Variants in GRXCR1 observed in about 807,000 individuals in gnomAD.
GRXCR1 encodes the protein glutaredoxin domain-containing cysteine-rich protein 1.
Under a neutral mutation model 27.3 loss-of-function variants are expected in GRXCR1, and 27 were observed. The observed-to-expected ratio is 0.99, with a 90% confidence interval of 0.73 to 1.37. The LOEUF (loss-of-function observed/expected upper bound fraction) is 1.37, where lower values mean the gene tolerates loss of function less well. GRXCR1 is among the 40% of genes most tolerant of loss of function. The probability of loss-of-function intolerance (pLI) is 0.00; values close to 1 mark genes in which losing one functional copy is unlikely to be tolerated. For synonymous variants in GRXCR1, 122 were observed against 131.1 expected, an observed-to-expected ratio of 0.93 and a Z score of 0.47; for missense variants, 379 against 354.4, an observed-to-expected ratio of 1.07 and a Z score of -0.56.
At chr4:42,961,303 A>G (rs1748126073) in intron 1 of GRXCR1, among the ~76,000 whole-genome samples, 1 of 151,888 alleles carries the variant, frequency 6.6e-6, no homozygotes, top group South Asian at 2.1e-4. Flanking sequence ...TAGTGCTGCT[A>G]TGCTCTCTTT....
chr4:42,933,866 GACA>G (rs1747390844), intron 1 of GRXCR1, among the ~76,000 whole-genome samples: 4 of 151,780 alleles, frequency 2.6e-5, no homozygotes, highest in African/African-American at 9.7e-5. Context: ...AACACAGTAA[GACA>G]CTCACCCCCA....
intron 1 of GRXCR1, among the ~76,000 whole-genome samples, chr4:42,918,819 C>T (rs1028188229): frequency 2.6e-5 from 4 of 152,000 alleles, no homozygotes; most frequent in Admixed American, 2.0e-4. Flanking sequence ...TCACTCTATC[C>T]TGTAGATAGA....
intron 2 of GRXCR1, among the ~76,000 whole-genome samples, chr4:43,010,475 T>C (rs1279852699): frequency 6.6e-6 from 1 of 151,798 alleles, no homozygotes; most frequent in Non-Finnish European, 1.5e-5. Context: ...TTGCAAGGGC[T>C]TTATCACATG....
chr4:42,965,386 T>C (rs929149381), intron 2 of GRXCR1, among the ~76,000 whole-genome samples: 2 of 152,006 alleles, frequency 1.3e-5, no homozygotes, highest in African/African-American at 4.8e-5. Flanking sequence ...AATCTTTAAT[T>C]CAAAATGGCA....
At chr4:43,024,857 C>A (rs1489743293) in intron 3 of GRXCR1, among the ~76,000 whole-genome samples, 1 of 152,086 alleles carries the variant, frequency 6.6e-6, no homozygotes, top group Admixed American at 6.6e-5. Flanking sequence ...CAAGCGTGTA[C>A]TCTGACAATT....
chr4:42,986,410 C>G (rs190438890), intron 2 of GRXCR1, among the ~76,000 whole-genome samples: 1 of 152,138 alleles, frequency 6.6e-6, no homozygotes, highest in African/African-American at 2.4e-5. Context: ...CAATTCTCAT[C>G]CATTTCCTTT....
chr4:43,004,425 T>C (rs1053416197), intron 2 of GRXCR1, among the ~76,000 whole-genome samples: 7 of 152,112 alleles, frequency 4.6e-5, no homozygotes, highest in Non-Finnish European at 1.0e-4. Context: ...AGTGGAACTG[T>C]GAGTAGAAGG....
At chr4:43,000,766 A>G (rs1577939182) in intron 2 of GRXCR1, among the ~76,000 whole-genome samples, 1 of 152,214 alleles carries the variant, frequency 6.6e-6, no homozygotes, top group Non-Finnish European at 1.5e-5. Context: ...TGTATCCTCC[A>G]GAGAAGGGAG....
At chr4:42,992,631 AG>A (rs1712013384) in intron 2 of GRXCR1, among the ~76,000 whole-genome samples, 1 of 152,108 alleles carries the variant, frequency 6.6e-6, no homozygotes, top group African/African-American at 2.4e-5. Context: ...CTATTGCCTC[AG>A]GAGCCTCAAA....
intron 2 of GRXCR1, among the ~76,000 whole-genome samples, chr4:43,000,006 A>T (rs1224157181): frequency 6.6e-6 from 1 of 152,250 alleles, no homozygotes; most frequent in Non-Finnish European, 1.5e-5. Flanking sequence ...AGTCAACTGC[A>T]GTTTGAAAAC....
At chr4:43,013,064 T>A (rs1180953241) in intron 2 of GRXCR1, among the ~76,000 whole-genome samples, 1 of 152,190 alleles carries the variant, frequency 6.6e-6, no homozygotes, top group Non-Finnish European at 1.5e-5. Context: ...AATGCTTGTA[T>A]TACCATTGAT....
At chr4:42,896,445 C>G (rs1413589205) in intron 1 of GRXCR1, among the ~76,000 whole-genome samples, 1 of 152,010 alleles carries the variant, frequency 6.6e-6, no homozygotes, top group African/African-American at 2.4e-5. Flanking sequence ...AAGCAGAAGG[C>G]CACCTGGCTG....
At chr4:42,915,803 C>A (rs1016925748) in intron 1 of GRXCR1, among the ~76,000 whole-genome samples, 1 of 152,092 alleles carries the variant, frequency 6.6e-6, no homozygotes, top group African/African-American at 2.4e-5. Context: ...TTCATCCTTG[C>A]CTATTACTTT....
In GRXCR1 at chr4:42,911,177, C is replaced by T. The variant is rs186402578; in HGVS notation, c.384+17527C>T. Among the ~76,000 whole-genome samples, 10 of 152,246 alleles carry T rather than the reference C, an allele frequency of 6.6e-5. No individual in the cohort carries two copies. The East Asian group carries it at 1.4e-3, about 21-fold the overall frequency. On this transcript the variant is annotated intron_variant, in intron 1 of 3. Coordinates refer to ENST00000399770, the MANE Select transcript of GRXCR1 (RefSeq NM_001080476.3). Reference sequence around the variant, plus strand: ...TACCTGTGGACTAAATGAATGAATACATTCTGATATGCAATGGATGGCTAA... The same window carrying T: ...TACCTGTGGACTAAATGAATGAATATATTCTGATATGCAATGGATGGCTAA...
At chr4:42,915,363 CACTG>C (rs1462729132) in intron 1 of GRXCR1, among the ~76,000 whole-genome samples, 5 of 152,152 alleles carry the variant, frequency 3.3e-5, no homozygotes, top group African/African-American at 4.8e-5. Flanking sequence ...ATTTCACTTG[CACTG>C]ACTATTTTTC....
At chr4:42,957,507 C>A (rs916316447) in intron 1 of GRXCR1, among the ~76,000 whole-genome samples, 5 of 151,952 alleles carry the variant, frequency 3.3e-5, no homozygotes, top group African/African-American at 1.2e-4. Flanking sequence ...TTTGAGTGAA[C>A]TTTCTACCCC....
intron 1 of GRXCR1, among the ~76,000 whole-genome samples, chr4:42,896,322 A>G (rs929305197): frequency 6.6e-6 from 1 of 152,166 alleles, no homozygotes; most frequent in African/African-American, 2.4e-5. Flanking sequence ...AAGGAATATC[A>G]GAATGAATTT....
chr4:42,967,260 T>A (rs1748267500), intron 2 of GRXCR1, among the ~76,000 whole-genome samples: 1 of 152,126 alleles, frequency 6.6e-6, no homozygotes, highest in Non-Finnish European at 1.5e-5. Flanking sequence ...TTATTTTGCA[T>A]ATGGATGCTC....
At chr4:42,975,721 T>C (rs576036094) in intron 2 of GRXCR1, among the ~76,000 whole-genome samples, 2 of 152,278 alleles carry the variant, frequency 1.3e-5, no homozygotes, top group East Asian at 3.9e-4. Context: ...ATTGGTTAAA[T>C]CTTTACCTTT....
Sources: gnomAD v4.1 joint callset for allele counts (sites outside exome capture counted in the v4.1 genomes callset) on GRCh38, gnomAD v4.1.1 for gene constraint, MANE v1.5 for transcripts, NCBI Gene and HGNC (gene_info 2026-07-23, HGNC 2026-07-21) for gene names.